Variants in ZNF804A observed in about 807,000 individuals in gnomAD.
The protein encoded by ZNF804A is zinc finger protein 804A.
In ZNF804A, 2 loss-of-function variants were observed where a neutral mutation model predicts 16.5. The ratio of observed to expected loss-of-function variants is 0.12; its 90% CI spans 0.05 to 0.38. The LOEUF is 0.38. Ranked by LOEUF, ZNF804A falls within the 10% of genes least tolerant of loss-of-function variation. ZNF804A has a pLI of 0.99. For synonymous variants in ZNF804A, 534 were observed against 489.6 expected (o/e 1.09, Z -1.20); for missense variants, 1,473 against 1,390.7 (o/e 1.06, Z -0.94).
chr2:184,834,183 A>C (rs1295842168), intron 1 of ZNF804A, among the ~76,000 whole-genome samples: 1 of 152,080 alleles, frequency 6.6e-6, no homozygotes, highest in Admixed American at 6.6e-5. Flanking sequence ...ATATATTCAT[A>C]AATTCCTATT....
chr2:184,882,282 G>A (rs116621013), intron 2 of ZNF804A, among the ~76,000 whole-genome samples: 2,786 of 151,964 alleles, frequency 0.018, 41 homozygotes, highest in Non-Finnish European at 0.03. Context: ...CATGCAACAC[G>A]GGAGCACCCA....
intron 1 of ZNF804A, among the ~76,000 whole-genome samples, chr2:184,722,001 A>G (rs1178678973): frequency 1.3e-5 from 2 of 152,042 alleles, no homozygotes; most frequent in South Asian, 2.1e-4. Context: ...CAAAGTTTAC[A>G]TGTTCTTATT....
At chr2:184,778,368 A>T (rs913004013) in intron 1 of ZNF804A, among the ~76,000 whole-genome samples, 1 of 151,648 alleles carries the variant, frequency 6.6e-6, no homozygotes, top group Non-Finnish European at 1.5e-5. Flanking sequence ...GAAAAAGCTA[A>T]CAATATTTTA....
chr2:184,598,974 C>T lies in ZNF804A; in HGVS notation c.15C>T (p.Tyr5=). Residue 5 remains tyrosine (Y), a synonymous_variant, in exon 1 of 4, where the codon TAC becomes TAT. Coordinates refer to ENST00000302277, the MANE Select transcript of ZNF804A (RefSeq NM_194250.2). Reference sequence around the variant, plus strand: ...GCGGCTGCCCCATGGAGTGTTACTACATTGTCATCAGCTCCACGCATCTCA... The same window carrying T: ...GCGGCTGCCCCATGGAGTGTTACTATATTGTCATCAGCTCCACGCATCTCA... MECY[Y]IVISSTHLSN... is the part of the protein sequence containing the mutation. 2.5e-6 allele frequency: 4 copies of T among 1,613,274 alleles called. No individual in the cohort carries two copies. Among genetic ancestry groups the T allele is most frequent in the Non-Finnish European group, 3.4e-6 (4 of 1,179,336 alleles).
chr2:184,744,558 T>C (rs1693759130), intron 1 of ZNF804A, among the ~76,000 whole-genome samples: 1 of 151,838 alleles, frequency 6.6e-6, no homozygotes, highest in African/African-American at 2.4e-5. Context: ...AAAGTCCGAA[T>C]CTATTGCAAC....
At chr2:184,726,893 A>C (rs560303462) in intron 1 of ZNF804A, among the ~76,000 whole-genome samples, 1 of 151,732 alleles carries the variant, frequency 6.6e-6, no homozygotes, top group African/African-American at 2.4e-5. Context: ...GCAAAACATT[A>C]AAAGAACAAT....
intron 1 of ZNF804A, among the ~76,000 whole-genome samples, chr2:184,662,538 G>A (rs1230237968): frequency 6.6e-6 from 1 of 152,106 alleles, no homozygotes; most frequent in Non-Finnish European, 1.5e-5. Context: ...GTGTCTCAGT[G>A]AGTATTTGCT....
chr2:184,826,765 C>G lies in ZNF804A; in HGVS notation c.112-39604C>G, dbSNP rs147396735. Among the ~76,000 whole-genome samples, 1,190 of 152,134 alleles carry G rather than the reference C, an allele frequency of 7.8e-3. 10 individuals are homozygous for G. The highest frequency in any genetic ancestry group is 0.014 in the Middle Eastern group (4 of 294). ...GTAAAAACACATTATATTATCAAAG[C>G]CTACTGTTATTGTTCATTCTTCTGT... On this transcript the variant is annotated intron_variant, in intron 1 of 3. Transcript: ENST00000302277.
At chr2:184,751,640 A>G (rs1419883006) in intron 1 of ZNF804A, among the ~76,000 whole-genome samples, 1 of 151,530 alleles carries the variant, frequency 6.6e-6, no homozygotes, top group Non-Finnish European at 1.5e-5. Flanking sequence ...AAGTGAAACT[A>G]ACTTAAACTA....
intron 1 of ZNF804A, among the ~76,000 whole-genome samples, chr2:184,735,602 A>G (rs1487179497): frequency 6.6e-6 from 1 of 152,230 alleles, no homozygotes; most frequent in African/African-American, 2.4e-5. Context: ...TTAAAAATAA[A>G]TAAATCTTAT....
Position 184,715,971 on chromosome 2 carries a change from G to A in ZNF804A, c.111+116901G>A, listed in dbSNP as rs1009575716. 4.6e-5 allele frequency among the ~76,000 whole-genome samples: 7 copies of A among 152,168 alleles called. No individual in the cohort carries two copies. In the South Asian group the frequency reaches 8.3e-4, roughly 18 times the overall value. ...AGCAGATGCTCTAACATTGTTTCAC[G>A]CCAACAGGTCTAATGCATATAAGAG... On this transcript the variant is annotated intron_variant, in intron 1 of 3. Transcript: ENST00000302277.
rs1206541516 is a variant in ZNF804A at position 184,937,464 on chromosome 2, A to G, written c.2068A>G (p.Lys690Glu). The G allele has an allele frequency of 3.1e-6, 5 of 1,593,550 alleles. No homozygotes were observed. Among genetic ancestry groups the G allele is most frequent in the Non-Finnish European group, 4.3e-6 (5 of 1,170,856 alleles). ...EYNTYDTISSKNHCKKNTILL... is the reference protein window; with the variant it reads ...EYNTYDTISSENHCKKNTILL... ...CAACACTTATGATACTATCAGTTCTAAAAACCACTGTAAAAAGAACACAAT... is the reference window on the plus strand; with the variant it reads ...CAACACTTATGATACTATCAGTTCTGAAAACCACTGTAAAAAGAACACAAT... The change falls in exon 4 of 4, where the codon AAA (lysine) becomes GAA (glutamate). Residue 690 changes from lysine (K) to glutamate (E), a missense_variant. Physicochemically the swap from Lys to Glu is moderately conservative, Grantham distance 56 (BLOSUM62 1). Coordinates refer to ENST00000302277, the MANE Select transcript of ZNF804A (RefSeq NM_194250.2).
intron 1 of ZNF804A, among the ~76,000 whole-genome samples, chr2:184,607,363 G>T (rs572914449): frequency 6.6e-6 from 1 of 152,294 alleles, no homozygotes; most frequent in East Asian, 1.9e-4. Context: ...CTGCATATCT[G>T]AGGAGGCCTC....
chr2:184,826,051 T>A (rs1399070898), intron 1 of ZNF804A, among the ~76,000 whole-genome samples: 1 of 151,444 alleles, frequency 6.6e-6, no homozygotes, highest in Non-Finnish European at 1.5e-5. Context: ...ATTTATTTAT[T>A]TATTTTGTAT....
intron 1 of ZNF804A, among the ~76,000 whole-genome samples, chr2:184,741,254 A>G (rs907104628): frequency 3.0e-4 from 45 of 152,170 alleles, no homozygotes; most frequent in African/African-American, 1.0e-3. Context: ...GAAGAGCTGT[A>G]TGGGGCAGAG....
intron 1 of ZNF804A, among the ~76,000 whole-genome samples, chr2:184,829,924 A>G (rs1197463415): frequency 1.2e-5 from 1 of 84,252 alleles, no homozygotes; most frequent in Non-Finnish European, 2.2e-5. Flanking sequence ...AAAAAAAAAC[A>G]AAAACAAAAA....
chr2:184,678,428 C>T (rs1189028675), intron 1 of ZNF804A, among the ~76,000 whole-genome samples: 5 of 152,018 alleles, frequency 3.3e-5, no homozygotes, highest in Non-Finnish European at 2.9e-5. Context: ...TCCTACTATC[C>T]ACTTTTTCTG....
chr2:184,802,954 C>A (rs897612140), intron 1 of ZNF804A, among the ~76,000 whole-genome samples: 1 of 152,094 alleles, frequency 6.6e-6, no homozygotes, highest in African/African-American at 2.4e-5. Context: ...GATTTTACTT[C>A]TTAAGGTTCA....
rs553489393 is a variant in ZNF804A, at chr2:184,917,226, A to G, written c.256-16377A>G. Among the ~76,000 whole-genome samples, 17 of 152,240 alleles carry G rather than the reference A, an allele frequency of 1.1e-4. No individual in the cohort carries two copies. The South Asian group carries it at 3.5e-3, about 32-fold the overall frequency. The stretch of plus-strand genomic sequence containing the variant: ...CCTTTAACCCAAAATTAATCTCCAA[A>G]TAAATGTAATAACAAGGTCACACTC... On this transcript the variant is annotated intron_variant, in intron 2 of 3. Coordinates refer to ENST00000302277, the MANE Select transcript of ZNF804A (RefSeq NM_194250.2).
Sources: gnomAD v4.1 joint callset for allele counts (sites outside exome capture counted in the v4.1 genomes callset) on GRCh38, gnomAD v4.1.1 for gene constraint, MANE v1.5 for transcripts, NCBI Gene and HGNC (gene_info 2026-07-23, HGNC 2026-07-21) for gene names.